Variants in PLXNB2 observed in about 807,000 individuals in gnomAD.
PLXNB2 encodes the protein plexin-B2.
In PLXNB2, 85 loss-of-function variants were observed where a neutral mutation model predicts 202.6. The ratio of observed to expected loss-of-function variants is 0.42; its 90% CI spans 0.35 to 0.50. PLXNB2 has a LOEUF of 0.50. Among genes scored for constraint, PLXNB2 ranks in the 20% least tolerant of loss-of-function variants. The probability of loss-of-function intolerance (pLI) is 0.02; values close to 1 mark genes in which losing one functional copy is unlikely to be tolerated. For missense variants in PLXNB2, 2,063 were observed against 2,586.2 expected, an observed-to-expected ratio of 0.80 and a Z score of 4.39; for synonymous variants, 1,239 against 1,137.6, an observed-to-expected ratio of 1.09 and a Z score of -1.79.
chr22:50,282,903 T>C (rs2066119124), intron 17 of PLXNB2, 22 bp from the exon 18 acceptor site: 2 of 1,595,792 alleles, frequency 1.3e-6, no homozygotes, highest in Non-Finnish European at 1.7e-6. Flanking sequence ...AGGGTGCTGG[T>C]CTGCATCAAC....
chr22:50,298,808 G>C (rs1383732705), intron 1 of PLXNB2, among the ~76,000 whole-genome samples: 2 of 152,240 alleles, frequency 1.3e-5, no homozygotes, highest in Admixed American at 1.3e-4. Context: ...ACTATGCCCA[G>C]CTAATTTTCT....
At chr22:50,280,195 C>T in intron 25 of PLXNB2, 124 bp from the exon 26 acceptor site, 1 of 744,156 alleles carries the variant, frequency 1.3e-6, no homozygotes, top group Non-Finnish European at 2.2e-6. Context: ...GTGTGGCCTG[C>T]AGCGAGGACT....
At chr22:50,280,362 C>A in intron 25 of PLXNB2, 127 bp downstream of exon 25, 4 of 874,744 alleles carry the variant, frequency 4.6e-6, no homozygotes, top group East Asian at 2.8e-5. Context: ...CGCCCCCCAC[C>A]ACCAGCGCTG....
chr22:50,279,844 C>T (rs1181188895), intron 26 of PLXNB2, 68 bp from the exon 27 acceptor site: 3 of 1,582,352 alleles, frequency 1.9e-6, no homozygotes, highest in Non-Finnish European at 1.7e-6. Flanking sequence ...CCCCGGAGCC[C>T]TGGCCAGAGG....
Position 50,289,449 on chromosome 22 carries a change from T to C in PLXNB2, c.1068+68A>G, listed in dbSNP as rs1320541805. 8 of 1,492,502 alleles carry C rather than the reference T, an allele frequency of 5.4e-6. No homozygotes were observed. In the African/African-American group the frequency reaches 7.0e-5, roughly 13 times the overall value. The allele number at this position is 1,492,502 out of a possible 1,614,324, so 92.5% of individuals were successfully genotyped here. ...CTCACGTGCACCCTCCCCAGCAGGC[T>C]GGGACACGCAAACCCACGAACGGAC... On this transcript the variant is annotated intron_variant, in intron 3 of 36. Transcript: ENST00000359337. The surrounding 1 kb of genome is among the most constrained non-coding windows in gnomAD (Gnocchi z 8.0).
intron 1 of PLXNB2, among the ~76,000 whole-genome samples, chr22:50,306,687 TCACCCTCACCCTC>T (rs1367478586): frequency 6.3e-5 from 2 of 31,942 alleles, no homozygotes; most frequent in East Asian, 2.3e-3. Flanking sequence ...GGGCCCACCC[TCACCCTCACCCTC>T]ACCCTCACCC....
chr22:50,287,808 G>A lies in PLXNB2; in HGVS notation c.1482-15C>T, dbSNP rs200208821. ...TCCGGGTGCATCTGCAGGCGCAGGG[G>A]GCGGCCTCAGCCCAGGGTGGAGTCT... is the stretch of plus-strand genomic sequence containing the variant. On this transcript the variant is annotated splice_polypyrimidine_tract_variant and intron_variant, in intron 6 of 36. Transcript: ENST00000359337. 1 of 1,595,902 alleles carries A rather than the reference G, an allele frequency of 6.3e-7. No individual in the cohort carries two copies. Among genetic ancestry groups the A allele is most frequent in the South Asian group, 1.1e-5 (1 of 90,210 alleles).
rs376804359 is a variant in PLXNB2, at chr22:50,282,295, G to A, written c.3006C>T (p.Asn1002=). Reference sequence around the variant, plus strand: ...TCAGGCTGAAGCCCTGACCCGTGACGTTGATGCTGCGGCCACCACTGCGGA... The same window carrying A: ...TCAGGCTGAAGCCCTGACCCGTGACATTGATGCTGCGGCCACCACTGCGGA... ...RSFASGGRSI[N]VTGQGFSLIQ... is the part of the protein sequence containing the mutation. The change falls in exon 19 of 37, where the codon AAC becomes AAT. Residue 1002 remains asparagine, a synonymous_variant. Coordinates refer to ENST00000359337, the MANE Select transcript of PLXNB2 (RefSeq NM_012401.4). 35 of 1,610,592 alleles carry A rather than the reference G, an allele frequency of 2.2e-5. No homozygotes were observed. The highest frequency in any genetic ancestry group is 1.6e-4 in the Middle Eastern group (1 of 6,076).
Position 50,297,904 on chromosome 22 carries a change from CCACT to C in PLXNB2, c.-73-3130_-73-3127del, listed in dbSNP as rs1300319394. ...GGTGTGGAAATCTTTACAGCTGTGC[CCACT>C]CAGAGAACGCTGCCTCACGACATTC... On this transcript the variant is annotated intron_variant, in intron 1 of 36. Transcript: ENST00000359337. The surrounding 1 kb of genome is among the most constrained non-coding windows in gnomAD (Gnocchi z 5.3). Among the ~76,000 whole-genome samples the C allele has an allele frequency of 2.0e-5, 3 of 152,146 alleles. No homozygotes were observed. Among genetic ancestry groups the C allele is most frequent in the Non-Finnish European group, 4.4e-5 (3 of 68,032 alleles).
At chr22:50,280,414 G>A in intron 25 of PLXNB2, 75 bp downstream of exon 25, 1 of 1,406,776 alleles carries the variant, frequency 7.1e-7, no homozygotes, top group Non-Finnish European at 9.5e-7. Flanking sequence ...AGGCCGCTGT[G>A]CCACCCGCCA....
At position 50,276,608 on chromosome 22, in the gene PLXNB2, C is replaced by T. The variant is rs368117986; in HGVS notation, c.5337+21G>A. The T allele has an allele frequency of 2.7e-5, 43 of 1,597,354 alleles. No individual in the cohort carries two copies. In the African/African-American group the frequency reaches 3.1e-4, roughly 11 times the overall value. ...GTGGGAGCGGGGAGGGCTGTGGGTG[C>T]GTCCCTGGTGGTCTCCTTACCCGGG... On this transcript the variant is annotated intron_variant, in intron 35 of 36. Transcript: ENST00000359337.
intron 27 of PLXNB2, 151 bp downstream of exon 27, chr22:50,279,479 C>T: frequency 1.3e-6 from 1 of 774,694 alleles, no homozygotes; most frequent in Non-Finnish European, 2.1e-6. Flanking sequence ...CCAGGCCCCT[C>T]CCTGAGGCCG....
Position 50,284,567 on chromosome 22 carries a change from C to A in PLXNB2, c.2181+6G>T. The A allele has an allele frequency of 1.2e-6, 2 of 1,603,076 alleles. No individual in the cohort carries two copies. The highest frequency in any genetic ancestry group is 1.1e-5 in the South Asian group (1 of 90,914). ...GCAGCCGAGCCGGCCTGCCCTGGAG[C>A]CGTACCTTTGGGGTCCGAAAGGCGA... On this transcript the variant is annotated splice_donor_region_variant and intron_variant, in intron 12 of 36. Coordinates refer to ENST00000359337, the MANE Select transcript of PLXNB2 (RefSeq NM_012401.4). This position sits in a 1 kb window ranked among gnomAD's most constrained non-coding sequence, Gnocchi z 8.0.
At chr22:50,298,925 C>A (rs1450440939) in intron 1 of PLXNB2, among the ~76,000 whole-genome samples, 2 of 152,238 alleles carry the variant, frequency 1.3e-5, no homozygotes, top group African/African-American at 4.8e-5. Context: ...GAATTACAGG[C>A]GTGAGCCACC....
intron 28 of PLXNB2, 28 bp from the exon 29 acceptor site, chr22:50,278,724 C>T: frequency 6.3e-7 from 1 of 1,594,852 alleles, no homozygotes; most frequent in Non-Finnish European, 8.5e-7. Context: ...CCAGCTTGGG[C>T]CCCAGCCACC....
At position 50,283,590 on chromosome 22, in the gene PLXNB2, C is replaced by A. The variant is rs760808669; in HGVS notation, c.2570+12G>T. 5 of 1,606,170 alleles carry A rather than the reference C, an allele frequency of 3.1e-6. No individual in the cohort carries two copies. The South Asian group carries it at 5.5e-5, about 18-fold the overall frequency. ...CCAGCTGACAGGGCCCAGACCAGGG[C>A]CGTCCACTCACCGGGTGGACACGGA... On this transcript the variant is annotated intron_variant, in intron 15 of 36. Transcript: ENST00000359337.
Position 50,288,352 on chromosome 22 carries a change from G to GCC in PLXNB2, c.1381-316_1381-315insGG. ...GGTCTCTGGCACTAACCCCCCACAAGCTTGGGGCCCAGGCCCATGTTCTCC... is the reference window on the plus strand; with the variant it reads ...GGTCTCTGGCACTAACCCCCCACAAGCCCTTGGGGCCCAGGCCCATGTTCTCC... On this transcript the variant is annotated intron_variant, in intron 5 of 36. Transcript: ENST00000359337. This position sits in a 1 kb window ranked among gnomAD's most constrained non-coding sequence, Gnocchi z 5.0. 6.6e-6 allele frequency among the ~76,000 whole-genome samples: 1 copy of GCC among 152,152 alleles called. No homozygotes were observed. Among genetic ancestry groups the GCC allele is most frequent in the South Asian group, 2.1e-4 (1 of 4,814 alleles).
intron 6 of PLXNB2, 24 bp downstream of exon 6, chr22:50,287,913 C>T: frequency 6.3e-7 from 1 of 1,579,608 alleles, no homozygotes. Context: ...CAGGCCGTGT[C>T]CCCGAGCCAC....
rs2067385223 is a variant in PLXNB2 at position 50,297,818 on chromosome 22, C to CAG, written c.-73-3041_-73-3040insCT. 6.6e-6 allele frequency among the ~76,000 whole-genome samples: 1 copy of CAG among 152,146 alleles called. No homozygotes were observed. On this transcript the variant is annotated intron_variant, in intron 1 of 36. Transcript: ENST00000359337. This position sits in a 1 kb window ranked among gnomAD's most constrained non-coding sequence, Gnocchi z 5.3. ...AAAGCTGCTCTGTGCCTCAGTTTCC[C>CAG]CATATGTAACCTGGGGGTCATTATG...
Sources: gnomAD v4.1 joint callset for allele counts (sites outside exome capture counted in the v4.1 genomes callset) on GRCh38, gnomAD v4.1.1 for gene constraint, Gnocchi (gnomAD v3.1) non-coding constraint, MANE v1.5 for transcripts, NCBI Gene and HGNC (gene_info 2026-07-23, HGNC 2026-07-21) for gene names.